The following DCC variants were observed in gnomAD, a reference collection of about 807,000 sequenced individuals.
DCC encodes DCC netrin 1 receptor, also known as netrin receptor DCC.
A neutral mutation model predicts 172.5 loss-of-function variants in DCC; 58 were observed. That is an observed-to-expected ratio of 0.34 (90% CI 0.27 to 0.42). The LOEUF (loss-of-function observed/expected upper bound fraction) is 0.42, where lower values mean the gene tolerates loss of function less well. DCC is among the 10% of genes least tolerant of loss of function. DCC has a pLI of 1.00. For missense variants in DCC, 1,740 were observed against 1,791.0 expected, an observed-to-expected ratio of 0.97 and a Z score of 0.51; for synonymous variants, 709 against 644.5, an observed-to-expected ratio of 1.10 and a Z score of -1.52.
At chr18:52,862,325 G>A (rs1423330821) in intron 2 of DCC, among the ~76,000 whole-genome samples, 1 of 151,952 alleles carries the variant, frequency 6.6e-6, no homozygotes, top group Admixed American at 6.6e-5. Flanking sequence ...ATCAAAATAA[G>A]GAAAGTTAAA....
intron 17 of DCC, among the ~76,000 whole-genome samples, chr18:53,392,720 A>G (rs902969038): frequency 6.6e-6 from 1 of 152,240 alleles, no homozygotes. Flanking sequence ...CTAGAAATGT[A>G]CTACACCATA....
intron 7 of DCC, among the ~76,000 whole-genome samples, chr18:53,089,267 G>A (rs1347071334): frequency 6.6e-6 from 1 of 151,978 alleles, no homozygotes; most frequent in Non-Finnish European, 1.5e-5. Flanking sequence ...TGTAATTTTA[G>A]TAGAGACAGG....
intron 5 of DCC, among the ~76,000 whole-genome samples, chr18:52,927,562 C>T (rs777745854): frequency 6.6e-6 from 1 of 151,840 alleles, no homozygotes; most frequent in Non-Finnish European, 1.5e-5. Context: ...TTTGATTTTT[C>T]CTTAGGCCAG....
At chr18:52,647,446 T>G (rs1407808643) in intron 1 of DCC, among the ~76,000 whole-genome samples, 3 of 152,188 alleles carry the variant, frequency 2.0e-5, no homozygotes, top group African/African-American at 7.2e-5. Flanking sequence ...GTGTTACTGA[T>G]CTGACCTACT....
chr18:53,311,451 T>G (rs897915721), intron 13 of DCC, among the ~76,000 whole-genome samples: 1 of 152,148 alleles, frequency 6.6e-6, no homozygotes, highest in African/African-American at 2.4e-5. Flanking sequence ...AAGAAATAAC[T>G]GAGGTCTGGA....
At chr18:53,222,477 T>C (rs1010140398) in intron 12 of DCC, among the ~76,000 whole-genome samples, 3 of 148,840 alleles carry the variant, frequency 2.0e-5, no homozygotes, top group Non-Finnish European at 3.0e-5. Context: ...CTCTGCCTTC[T>C]GGGTTCAAGC....
At chr18:52,812,581 C>T (rs957040033) in intron 2 of DCC, among the ~76,000 whole-genome samples, 5 of 152,152 alleles carry the variant, frequency 3.3e-5, no homozygotes, top group East Asian at 1.9e-4. Context: ...TCTTAAAAAA[C>T]ATATGATTTA....
chr18:52,436,412 G>A lies in DCC; in HGVS notation c.91+95534G>A, dbSNP rs113415382. ...GGCCCTTTATGCAGTTCTACATGAC[G>A]CTCTCCATTCTTGCCACTCAACATG... is the stretch of plus-strand genomic sequence containing the variant. On this transcript the variant is annotated intron_variant, in intron 1 of 28. Coordinates refer to ENST00000442544, the MANE Select transcript of DCC (RefSeq NM_005215.4). 7.7e-3 allele frequency among the ~76,000 whole-genome samples: 1,165 copies of A among 152,240 alleles called. 22 individuals are homozygous for A. The highest frequency in any genetic ancestry group is 0.027 in the African/African-American group (1,104 of 41,532).
At chr18:53,043,480 A>G (rs1355522959) in intron 5 of DCC, among the ~76,000 whole-genome samples, 1 of 151,920 alleles carries the variant, frequency 6.6e-6, no homozygotes, top group Non-Finnish European at 1.5e-5. Context: ...ATAATTAAAA[A>G]CAAGAGGACC....
chr18:53,260,734 A>C (rs541279382), intron 12 of DCC, among the ~76,000 whole-genome samples: 6 of 152,260 alleles, frequency 3.9e-5, no homozygotes, highest in Non-Finnish European at 7.4e-5. Flanking sequence ...CAAAGCTGTC[A>C]GACAGGGACA....
At chr18:52,995,556 C>A (rs1047547382) in intron 5 of DCC, among the ~76,000 whole-genome samples, 1 of 151,864 alleles carries the variant, frequency 6.6e-6, no homozygotes, top group Admixed American at 6.6e-5. Flanking sequence ...CTGGCTCTTC[C>A]CCTTCCATTC....
intron 27 of DCC, among the ~76,000 whole-genome samples, chr18:53,522,097 G>A (rs983552344): frequency 6.6e-6 from 1 of 152,068 alleles, no homozygotes; most frequent in African/African-American, 2.4e-5. Context: ...TCTTTTTAAA[G>A]CTTTTAAACT....
intron 1 of DCC, among the ~76,000 whole-genome samples, chr18:52,357,865 G>A (rs1303940374): frequency 2.0e-5 from 3 of 151,538 alleles, no homozygotes; most frequent in Non-Finnish European, 4.4e-5. Flanking sequence ...GTGAACCCAC[G>A]AGGCGGAGCT....
intron 15 of DCC, among the ~76,000 whole-genome samples, chr18:53,379,726 G>C (rs1907575253): frequency 6.6e-6 from 1 of 151,952 alleles, no homozygotes; most frequent in Admixed American, 6.6e-5. Context: ...CATCTATTTT[G>C]GATGCTCAAC....
chr18:52,466,802 T>C (rs1988796330), intron 1 of DCC, among the ~76,000 whole-genome samples: 1 of 152,178 alleles, frequency 6.6e-6, no homozygotes, highest in South Asian at 2.1e-4. Context: ...ATCTAATGTT[T>C]ACTGAATGCT....
chr18:53,407,028 G>A (rs1909705017), intron 19 of DCC, among the ~76,000 whole-genome samples: 1 of 152,112 alleles, frequency 6.6e-6, no homozygotes, highest in Non-Finnish European at 1.5e-5. Context: ...AGAAACTGAT[G>A]TCTGCACCTT....
At chr18:53,352,117 A>AG (rs2057819541) in intron 15 of DCC, among the ~76,000 whole-genome samples, 1 of 152,084 alleles carries the variant, frequency 6.6e-6, no homozygotes, top group Non-Finnish European at 1.5e-5. Flanking sequence ...CTCTTTCTAT[A>AG]GGGAAAAACA....
At chr18:52,445,504 T>C (rs1302577386) in intron 1 of DCC, among the ~76,000 whole-genome samples, 3 of 152,204 alleles carry the variant, frequency 2.0e-5, no homozygotes, top group Non-Finnish European at 4.4e-5. Context: ...CCACTTTATA[T>C]ATTCACATAT....
At chr18:52,801,760 G>A (rs1226618982) in intron 2 of DCC, among the ~76,000 whole-genome samples, 2 of 152,162 alleles carry the variant, frequency 1.3e-5, no homozygotes, top group East Asian at 1.9e-4. Context: ...CTATGGAACT[G>A]TTTGTAAAAT....
Sources: gnomAD v4.1 joint callset for allele counts (sites outside exome capture counted in the v4.1 genomes callset) on GRCh38, gnomAD v4.1.1 for gene constraint, MANE v1.5 for transcripts, NCBI Gene and HGNC (gene_info 2026-07-23, HGNC 2026-07-21) for gene names.